The following TUBA1C variants were observed in gnomAD, a reference collection of about 807,000 sequenced individuals.
The protein encoded by TUBA1C is tubulin alpha-1C chain.
In TUBA1C, 16 loss-of-function variants were observed where a neutral mutation model predicts 34.9. That is an observed-to-expected ratio of 0.46 (90% CI 0.31 to 0.70). The LOEUF is 0.70. Ranked by LOEUF, TUBA1C falls within the 30% of genes least tolerant of loss-of-function variation. The probability of loss-of-function intolerance (pLI) is 0.05; values close to 1 mark genes in which losing one functional copy is unlikely to be tolerated. For missense variants in TUBA1C, 329 were observed against 587.3 expected (o/e 0.56, Z 4.55); for synonymous variants, 177 against 215.9 (o/e 0.82, Z 1.58).
chr12:49,240,152 T>C (rs949123732), intron 1 of TUBA1C, among the ~76,000 whole-genome samples: 1 of 151,798 alleles, frequency 6.6e-6, no homozygotes, highest in South Asian at 2.1e-4. Context: ...ATAAAAAGGC[T>C]GCCCACTCCC....
exon 1 of TUBA1C, chr12:49,228,052 A>C (rs1267325197): frequency 6.5e-7 from 1 of 1,535,672 alleles, no homozygotes; most frequent in Admixed American, 2.0e-5. Flanking sequence ...TGAATGCAAA[A>C]CTGTACATCT....
At chr12:49,269,754 G>C (rs78897149) in intron 2 of TUBA1C, 67 bp downstream of exon 2, 1 of 1,612,864 alleles carries the variant, frequency 6.2e-7, no homozygotes, top group Admixed American at 1.7e-5. Flanking sequence ...TCCTGGGGGG[G>C]CTCCGCTGGT....
chr12:49,259,357 G>A (rs1435622736), intron 1 of TUBA1C, among the ~76,000 whole-genome samples: 1 of 151,836 alleles, frequency 6.6e-6, no homozygotes, highest in East Asian at 1.9e-4. Flanking sequence ...TCAGCCTCCT[G>A]TGTAGCTGGC....
chr12:49,236,938 T>C (rs1942561220), intron 1 of TUBA1C, among the ~76,000 whole-genome samples: 1 of 152,178 alleles, frequency 6.6e-6, no homozygotes, highest in Non-Finnish European at 1.5e-5. Context: ...GACTGAAACA[T>C]CATTATGCAA....
chr12:49,265,815 C>T (rs1942899872), intron 1 of TUBA1C, among the ~76,000 whole-genome samples: 1 of 152,198 alleles, frequency 6.6e-6, no homozygotes, highest in Non-Finnish European at 1.5e-5. Context: ...AAGCTTTCTA[C>T]TTAAGCCGGG....
In TUBA1C at chr12:49,269,922, C is replaced by T. The variant is rs772749114; in HGVS notation, c.321C>T (p.His107=). The T allele has an allele frequency of 1.4e-5, 23 of 1,614,116 alleles. 1 individual carries two copies. Among genetic ancestry groups the T allele is most frequent in the Middle Eastern group, 3.3e-4 (2 of 6,076 alleles). Residue 107 remains histidine, a synonymous_variant, in exon 3 of 4, where the codon CAC becomes CAT. Transcript: ENST00000301072. ...EDAANNYARG[H]YTIGKEIIDL... ...CTGCCAATAACTATGCCCGAGGGCA[C>T]TACACCATTGGCAAGGAGATCATTG...
upstream of TUBA1C, among the ~76,000 whole-genome samples, chr12:49,262,098 T>A (rs1942845546): frequency 6.6e-6 from 1 of 151,998 alleles, no homozygotes; most frequent in Non-Finnish European, 1.5e-5. Flanking sequence ...ACCTGGACCC[T>A]GAGGAGGGGA....
chr12:49,234,650 G>C (rs1565637805), intron 1 of TUBA1C, among the ~76,000 whole-genome samples: 1 of 152,154 alleles, frequency 6.6e-6, no homozygotes, highest in Non-Finnish European at 1.5e-5. Context: ...CGCCCGCCAC[G>C]AAGGCCACTT....
intron 1 of TUBA1C, among the ~76,000 whole-genome samples, chr12:49,229,674 G>GGTGTGT (rs3884374): frequency 7.3e-5 from 11 of 150,166 alleles, no homozygotes; most frequent in African/African-American, 2.2e-4. Flanking sequence ...TTTGCATAGA[G>GGTGTGT]GTGTGTGTGT....
exon 1 of TUBA1C, chr12:49,227,971 T>C: frequency 6.5e-7 from 1 of 1,535,684 alleles, no homozygotes; most frequent in South Asian, 1.2e-5. Context: ...CCTGGTTCAA[T>C]GGGGTGGAGG....
At chr12:49,258,866 C>G (rs1942813846) in intron 1 of TUBA1C, among the ~76,000 whole-genome samples, 1 of 151,666 alleles carries the variant, frequency 6.6e-6, no homozygotes, top group African/African-American at 2.4e-5. Flanking sequence ...AAACAATTTT[C>G]TTGCCTCAGC....
rs778351891 is a variant in TUBA1C at position 49,272,215 on chromosome 12, C to A, written c.376-38C>A. The A allele has an allele frequency of 2.6e-6, 4 of 1,561,500 alleles. No individual in the cohort carries two copies. The African/African-American group carries it at 5.5e-5, about 21-fold the overall frequency. ...CACCAAATGTGAACACTAAATGAAACTTTCGCAACACTAAAATGAAACTTT... is the reference window on the plus strand; with the variant it reads ...CACCAAATGTGAACACTAAATGAAAATTTCGCAACACTAAAATGAAACTTT... On this transcript the variant is annotated intron_variant, in intron 3 of 3. Transcript: ENST00000301072.
chr12:49,263,916 G>C (rs1333007519), upstream of TUBA1C, among the ~76,000 whole-genome samples: 1 of 152,064 alleles, frequency 6.6e-6, no homozygotes, highest in Non-Finnish European at 1.5e-5. Flanking sequence ...ATGTGATCAT[G>C]TGATATGAAA....
upstream of TUBA1C, among the ~76,000 whole-genome samples, chr12:49,260,162 C>T (rs1565646290): frequency 6.6e-6 from 1 of 151,980 alleles, no homozygotes; most frequent in African/African-American, 2.4e-5. Context: ...ACTTTTCCTC[C>T]AAGAGAATTT....
chr12:49,229,018 G>A (rs546157561), intron 1 of TUBA1C, among the ~76,000 whole-genome samples: 156 of 152,252 alleles, frequency 1.0e-3, no homozygotes, highest in African/African-American at 3.3e-3. Flanking sequence ...GTAGACACAG[G>A]AGACATTAAA....
At chr12:49,271,971 C>CT (rs113867895) in intron 3 of TUBA1C, among the ~76,000 whole-genome samples, 14,630 of 143,540 alleles carry the variant, frequency 0.1, 1,197 homozygotes, top group African/African-American at 0.24. Flanking sequence ...CACTTAAAAG[C>CT]TTTTTTTTTT....
At chr12:49,243,294 A>C (rs1276101962) in intron 1 of TUBA1C, among the ~76,000 whole-genome samples, 1 of 152,114 alleles carries the variant, frequency 6.6e-6, no homozygotes, top group Non-Finnish European at 1.5e-5. Context: ...TAAAAATACA[A>C]AAAATAGCTG....
intron 1 of TUBA1C, among the ~76,000 whole-genome samples, chr12:49,255,408 AT>A (rs200109855): frequency 4.2e-4 from 60 of 143,826 alleles, no homozygotes; most frequent in African/African-American, 1.3e-3. Context: ...TTTAAAAAAT[AT>A]ATATATATAT....
At chr12:49,244,042 C>T (rs191038542) in intron 1 of TUBA1C, among the ~76,000 whole-genome samples, 132 of 150,552 alleles carry the variant, frequency 8.8e-4, no homozygotes, top group African/African-American at 3.1e-3. Flanking sequence ...CCCAGCTACT[C>T]GGGAGGCTGA....
Sources: allele counts gnomAD v4.1 joint callset (sites outside exome capture counted in the v4.1 genomes callset), GRCh38; gene constraint gnomAD v4.1.1; transcripts MANE v1.5; gene names NCBI Gene and HGNC (gene_info 2026-07-23, HGNC 2026-07-21).